The following SHC3 variants were observed in gnomAD, a reference collection of about 807,000 sequenced individuals.
SHC3 encodes the protein SHC-transforming protein 3.
SHC3 carries 15 observed loss-of-function variants against 60.4 expected under a neutral mutation model. The ratio of observed to expected loss-of-function variants is 0.25; its 90% CI spans 0.17 to 0.38. SHC3 has a LOEUF of 0.38. Among genes scored for constraint, SHC3 ranks in the 10% least tolerant of loss-of-function variants. The pLI is 1.00. For synonymous variants in SHC3, 294 were observed against 325.9 expected (o/e 0.90, Z 1.05); for missense variants, 677 against 786.1 (o/e 0.86, Z 1.66).
Position 89,045,776 on chromosome 9 carries a change from C to T in SHC3, c.1171G>A (p.Glu391Lys), listed in dbSNP as rs751313718. 6 of 1,614,042 alleles carry T rather than the reference C, an allele frequency of 3.7e-6. No individual in the cohort carries two copies. Among genetic ancestry groups the T allele is most frequent in the African/African-American group, 1.3e-5 (1 of 74,930 alleles). ...CTTAAAGGTGTTTGCTGCCAGTCTT[C>T]GCCAAAAGTGTCTCCTAAGTGTCTT... Reference protein sequence around the residue: ...QGRHLGDTFGEDWQQTPLRQG... With the variant: ...QGRHLGDTFGKDWQQTPLRQG... Residue 391 changes from glutamate to lysine, a missense_variant, in exon 9 of 12, where the codon GAA becomes AAA. By Grantham distance (56) the Glu-to-Lys change is moderately conservative. Coordinates refer to ENST00000375835, the MANE Select transcript of SHC3 (RefSeq NM_016848.6).
At chr9:89,121,643 T>C (rs1826094536) in intron 1 of SHC3, among the ~76,000 whole-genome samples, 1 of 152,192 alleles carries the variant, frequency 6.6e-6, no homozygotes, top group South Asian at 2.1e-4. Flanking sequence ...GTCAATGTTG[T>C]GATACTGCAC....
chr9:89,131,327 G>T (rs552256595), intron 1 of SHC3, among the ~76,000 whole-genome samples: 1 of 152,254 alleles, frequency 6.6e-6, no homozygotes, highest in African/African-American at 2.4e-5. Context: ...TCTACCAGAG[G>T]TACAAAGAAG....
intron 1 of SHC3, among the ~76,000 whole-genome samples, chr9:89,161,246 C>A (rs1268200755): frequency 6.6e-6 from 1 of 152,194 alleles, no homozygotes; most frequent in African/African-American, 2.4e-5. Context: ...TGCATCCCCA[C>A]TGTGCTGTTC....
intron 2 of SHC3, among the ~76,000 whole-genome samples, chr9:89,098,329 G>A (rs774740099): frequency 2.0e-5 from 3 of 152,156 alleles, no homozygotes; most frequent in Admixed American, 6.5e-5. Context: ...AGGACATTAC[G>A]GGACAATTGA....
chr9:89,154,998 C>A (rs1378584744), intron 1 of SHC3, among the ~76,000 whole-genome samples: 1 of 152,200 alleles, frequency 6.6e-6, no homozygotes, highest in Non-Finnish European at 1.5e-5. Context: ...CTTCTATTCT[C>A]ATTTTCACTC....
At chr9:89,097,121 A>G (rs1825715836) in intron 2 of SHC3, among the ~76,000 whole-genome samples, 1 of 151,604 alleles carries the variant, frequency 6.6e-6, no homozygotes, top group Non-Finnish European at 1.5e-5. Context: ...AAAAAAAAAA[A>G]AAAAAAAAAA....
In SHC3 at chr9:89,007,615, C is replaced by T. The variant is rs1825958895; in HGVS notation, c.*5832G>A. On this transcript the variant is annotated 3_prime_UTR_variant, in exon 12 of 12. Transcript: ENST00000375835. ...GAAAGCATGACATCACGAGCACAGC[C>T]TCCTCCACCACACCTTCCCTTTCTC... 1 of 152,366 alleles carries T rather than the reference C, an allele frequency of 6.6e-6. No individual in the cohort carries two copies. The highest frequency in any genetic ancestry group is 1.5e-5 in the Non-Finnish European group (1 of 68,136). 9.4% of individuals were successfully genotyped at this position (152,366 alleles called of 1,614,324 possible).
chr9:89,093,216 C>T (rs951154324), intron 2 of SHC3, among the ~76,000 whole-genome samples: 2 of 152,190 alleles, frequency 1.3e-5, no homozygotes, highest in Non-Finnish European at 2.9e-5. Context: ...AAACCTTAAG[C>T]TAAGTGAAAG....
intron 6 of SHC3, among the ~76,000 whole-genome samples, chr9:89,056,896 G>A (rs1344452881): frequency 6.6e-6 from 1 of 152,236 alleles, no homozygotes; most frequent in East Asian, 1.9e-4. Context: ...AACTTATCGG[G>A]ATCCATGCCC....
intron 11 of SHC3, among the ~76,000 whole-genome samples, chr9:89,024,861 A>G (rs952360758): frequency 6.6e-6 from 1 of 152,044 alleles, no homozygotes; most frequent in Non-Finnish European, 1.5e-5. Flanking sequence ...GCTTACAGGG[A>G]TATTTAGGGG....
chr9:89,149,208 A>T (rs1341360640), intron 1 of SHC3, among the ~76,000 whole-genome samples: 1 of 152,148 alleles, frequency 6.6e-6, no homozygotes, highest in Non-Finnish European at 1.5e-5. Context: ...CGCTTTTCCT[A>T]AAATTTGCAC....
At chr9:89,063,648 C>T (rs905867131) in intron 6 of SHC3, among the ~76,000 whole-genome samples, 10 of 152,216 alleles carry the variant, frequency 6.6e-5, no homozygotes, top group African/African-American at 2.4e-4. Context: ...GAAGCAAAGC[C>T]AATTTGGACC....
rs17080847 is a variant in SHC3 at position 89,172,422 on chromosome 9, A to C, written c.474+5565T>G. On this transcript the variant is annotated intron_variant, in intron 1 of 11. Coordinates refer to ENST00000375835, the MANE Select transcript of SHC3 (RefSeq NM_016848.6). ...TCAAAATGTTTTGTTTTGTTTTTTA[A>C]CTCAACAGAAAATGAGTAATTATGA... 0.046 allele frequency among the ~76,000 whole-genome samples: 6,993 copies of C among 152,038 alleles called. 991 individuals are homozygous for C. The East Asian group carries it at 0.47, about 10-fold the overall frequency.
intron 6 of SHC3, among the ~76,000 whole-genome samples, chr9:89,063,383 C>T (rs187048670): frequency 9.6e-4 from 147 of 152,358 alleles, no homozygotes; most frequent in African/African-American, 3.4e-3. Context: ...CCGCCTCGGC[C>T]TCCCAAAGTG....
rs145232675 is a variant in SHC3, at chr9:89,159,900, C to G, written c.474+18087G>C. Among the ~76,000 whole-genome samples the G allele has an allele frequency of 1.6e-3, 238 of 152,268 alleles. 1 individual carries two copies. The highest frequency in any genetic ancestry group is 5.6e-3 in the African/African-American group (231 of 41,560). On this transcript the variant is annotated intron_variant, in intron 1 of 11. Coordinates refer to ENST00000375835, the MANE Select transcript of SHC3 (RefSeq NM_016848.6). ...AAATGTTCATCTCCTTGGGCAACAT[C>G]CTCACAGACACACCCAGGATCAATA...
intron 11 of SHC3, among the ~76,000 whole-genome samples, chr9:89,022,449 A>G (rs947558065): frequency 6.6e-6 from 1 of 152,196 alleles, no homozygotes; most frequent in Admixed American, 6.5e-5. Flanking sequence ...TACAGTCAAC[A>G]CAATAAGCCT....
chr9:89,019,556 G>A (rs1826163934), intron 11 of SHC3, among the ~76,000 whole-genome samples: 1 of 152,160 alleles, frequency 6.6e-6, no homozygotes, highest in African/African-American at 2.4e-5. Flanking sequence ...ATTATAGTAA[G>A]GTTGCAGGAC....
intron 7 of SHC3, 33 bp downstream of exon 7, chr9:89,052,004 G>T: frequency 6.2e-7 from 1 of 1,610,250 alleles, no homozygotes; most frequent in Non-Finnish European, 8.5e-7. Flanking sequence ...AACCCACATA[G>T]GCTATTGCAA....
At chr9:89,124,676 G>A (rs960968844) in intron 1 of SHC3, among the ~76,000 whole-genome samples, 4 of 152,010 alleles carry the variant, frequency 2.6e-5, no homozygotes, top group African/African-American at 4.8e-5. Flanking sequence ...ATCACACACC[G>A]GGGCCTGTCA....
Sources: allele counts gnomAD v4.1 joint callset (sites outside exome capture counted in the v4.1 genomes callset), GRCh38; gene constraint gnomAD v4.1.1; transcripts MANE v1.5; gene names NCBI Gene and HGNC (gene_info 2026-07-23, HGNC 2026-07-21).